PSD2: variants seen among roughly 807,000 people sequenced by gnomAD.
PSD2 encodes pleckstrin and Sec7 domain containing 2.
In PSD2, 38 loss-of-function variants were observed where a neutral mutation model predicts 69.8. The observed-to-expected ratio is 0.54, with a 90% confidence interval of 0.42 to 0.71. The LOEUF is 0.71. Ranked by LOEUF, PSD2 falls within the 30% of genes least tolerant of loss-of-function variation. The pLI is 0.00. For missense variants in PSD2, 943 were observed against 1,014.5 expected (o/e 0.93, Z 0.96); for synonymous variants, 412 against 423.0 (o/e 0.97, Z 0.32).
At chr5:139,769,928 C>G in the PSD2 span, among the ~76,000 whole-genome samples, 1 of 152,238 alleles carries the variant, frequency 6.6e-6, no homozygotes, top group Non-Finnish European at 1.5e-5. Flanking sequence ...TCTGCTGTAG[C>G]TGTCTTGAAA....
the PSD2 span, among the ~76,000 whole-genome samples, chr5:139,781,643 T>A: frequency 6.6e-6 from 1 of 150,598 alleles, no homozygotes; most frequent in Non-Finnish European, 1.5e-5. Flanking sequence ...CCTTTTTTTT[T>A]TTTATTTTGA....
At chr5:139,838,967 A>C (rs1760807490) in intron 13 of PSD2, among the ~76,000 whole-genome samples, 195 bp downstream of exon 13, 1 of 152,110 alleles carries the variant, frequency 6.6e-6, no homozygotes, top group Non-Finnish European at 1.5e-5. Flanking sequence ...CATGGCACAC[A>C]GGGGCCACAG....
At chr5:139,787,603 G>T in the PSD2 span, among the ~76,000 whole-genome samples, 1 of 152,254 alleles carries the variant, frequency 6.6e-6, no homozygotes, top group African/African-American at 2.4e-5. Flanking sequence ...GCCTGGTGCC[G>T]CGGGTGCAGT....
At chr5:139,768,779 G>C in the PSD2 span, among the ~76,000 whole-genome samples, 1 of 151,252 alleles carries the variant, frequency 6.6e-6, no homozygotes, top group Admixed American at 6.6e-5. Context: ...GAGTAAAAAA[G>C]TGAGGTCAGG....
chr5:139,780,206 G>C, the PSD2 span, among the ~76,000 whole-genome samples: 1 of 152,142 alleles, frequency 6.6e-6, no homozygotes, highest in Non-Finnish European at 1.5e-5. Flanking sequence ...AACACAATGG[G>C]GTTGTCACCT....
chr5:139,785,750 T>TGAAG, the PSD2 span, among the ~76,000 whole-genome samples: 1 of 152,030 alleles, frequency 6.6e-6, no homozygotes, highest in African/African-American at 2.4e-5. Flanking sequence ...AATGAATCAG[T>TGAAG]GAAGGAAGGA....
At chr5:139,745,979 GC>G in the PSD2 span, among the ~76,000 whole-genome samples, 5 of 152,154 alleles carry the variant, frequency 3.3e-5, no homozygotes, top group African/African-American at 1.2e-4. Context: ...CCAGGACCAA[GC>G]CCCTCCTCCC....
In PSD2 at chr5:139,837,195, A is replaced by T. The variant is rs765844735; in HGVS notation, c.1622A>T (p.Lys541Ile). The T allele has an allele frequency of 1.2e-6, 2 of 1,614,058 alleles. No individual in the cohort carries two copies. The highest frequency in any genetic ancestry group is 1.7e-6 in the Non-Finnish European group (2 of 1,179,926). Residue 541 changes from lysine to isoleucine, a missense_variant, in exon 11 of 15, where the codon AAA becomes ATA. This residue lies in a region of PSD2 where 312 missense variants were observed against 400.7 expected (regional missense o/e 0.78). Transcript: ENST00000274710. The surrounding 1 kb of genome is among the most constrained non-coding windows in gnomAD (Gnocchi z 5.0). ...RTPRGRRGWK[K>I]FYAVLKGTIL... Reference sequence around the variant, plus strand: ...CCCCGTGGGAGGCGTGGCTGGAAGAAATTCTACGCAGTGCTCAAAGGGACC... The same window carrying T: ...CCCCGTGGGAGGCGTGGCTGGAAGATATTCTACGCAGTGCTCAAAGGGACC...
the PSD2 span, among the ~76,000 whole-genome samples, chr5:139,771,448 G>A: frequency 6.6e-6 from 1 of 151,846 alleles, no homozygotes; most frequent in Non-Finnish European, 1.5e-5. Context: ...GCACAATCTC[G>A]GCTCACTGCA....
the PSD2 span, among the ~76,000 whole-genome samples, chr5:139,747,209 CTCTT>C: frequency 3.3e-5 from 5 of 152,160 alleles, no homozygotes; most frequent in African/African-American, 1.2e-4. The surrounding 1 kb of genome is among the most constrained non-coding windows in gnomAD (Gnocchi z 6.7). Context: ...TTTCGTTCCT[CTCTT>C]TGTCTGTCTG....
At chr5:139,804,849 A>G (rs1581711423) in intron 1 of PSD2, among the ~76,000 whole-genome samples, 1 of 151,896 alleles carries the variant, frequency 6.6e-6, no homozygotes, top group South Asian at 2.1e-4. Flanking sequence ...GCGGCTGCCC[A>G]GTTCCCTCTG....
intron 4 of PSD2, among the ~76,000 whole-genome samples, chr5:139,815,634 T>C (rs775902764): frequency 6.6e-6 from 1 of 152,306 alleles, no homozygotes; most frequent in East Asian, 1.9e-4. Flanking sequence ...GGCCTCACCT[T>C]AGCCCCTTCA....
the PSD2 span, among the ~76,000 whole-genome samples, chr5:139,770,323 G>T: frequency 2.0e-5 from 3 of 152,190 alleles, no homozygotes; most frequent in Non-Finnish European, 4.4e-5. Flanking sequence ...TTGGGGAGCT[G>T]AGGCAGGTGG....
At chr5:139,822,831 C>T (rs1170634533) in intron 7 of PSD2, 47 bp downstream of exon 7, 1 of 1,542,624 alleles carries the variant, frequency 6.5e-7, no homozygotes, top group Admixed American at 1.8e-5. Context: ...TCTCAGGGAC[C>T]CACCTTGTGT....
At chr5:139,753,692 G>A in the PSD2 span, among the ~76,000 whole-genome samples, 9 of 152,166 alleles carry the variant, frequency 5.9e-5, no homozygotes, top group African/African-American at 2.2e-4. Flanking sequence ...GCCCAGAGAG[G>A]CCAAGCCCTA....
chr5:139,766,241 G>T, the PSD2 span, among the ~76,000 whole-genome samples: 1 of 152,330 alleles, frequency 6.6e-6, no homozygotes. Context: ...GTAGAAGGGG[G>T]CGATACAGGA....
intron 7 of PSD2, among the ~76,000 whole-genome samples, chr5:139,828,317 G>A (rs888466789): frequency 6.6e-6 from 1 of 152,198 alleles, no homozygotes; most frequent in African/African-American, 2.4e-5. Context: ...CATTCCAGGA[G>A]AGCTCAAGCT....
chr5:139,794,743 C>T (rs927181285), upstream of PSD2, among the ~76,000 whole-genome samples: 5 of 152,168 alleles, frequency 3.3e-5, no homozygotes, highest in African/African-American at 1.2e-4. Context: ...GGGCCTGACT[C>T]TATCCTGATT....
chr5:139,777,522 T>C, the PSD2 span, among the ~76,000 whole-genome samples: 9 of 152,162 alleles, frequency 5.9e-5, no homozygotes, highest in African/African-American at 1.7e-4. Flanking sequence ...AGACTGAGGA[T>C]TGGGGCAAAG....
Sources: gnomAD v4.1 joint callset for allele counts (sites outside exome capture counted in the v4.1 genomes callset) on GRCh38, gnomAD v4.1.1 for gene constraint, gnomAD v4.1.1 regional missense constraint, Gnocchi (gnomAD v3.1) non-coding constraint, MANE v1.5 for transcripts, NCBI Gene and HGNC (gene_info 2026-07-23, HGNC 2026-07-21) for gene names.